The following MDH1 variants were observed in gnomAD, a reference collection of about 807,000 sequenced individuals.
MDH1 encodes malate dehydrogenase, cytoplasmic.
In MDH1, 15 loss-of-function variants were observed where a neutral mutation model predicts 38.7. The observed-to-expected ratio is 0.39, with a 90% CI of 0.26 to 0.60. The LOEUF (loss-of-function observed/expected upper bound fraction) is 0.60, where lower values mean the gene tolerates loss of function less well. Among genes scored for constraint, MDH1 ranks in the 20% least tolerant of loss-of-function variants. The probability of loss-of-function intolerance (pLI) is 0.56; values close to 1 mark genes in which losing one functional copy is unlikely to be tolerated. For synonymous variants in MDH1, 144 were observed against 143.6 expected (o/e 1.00, Z -0.02); for missense variants, 368 against 405.2 (o/e 0.91, Z 0.79).
chr2:63,598,896 CAAAAAAAAA>C (rs1333463606), intron 4 of MDH1, among the ~76,000 whole-genome samples: 6 of 72,230 alleles, frequency 8.3e-5, no homozygotes, highest in African/African-American at 4.8e-5. Context: ...AAAGAGGTAC[CAAAAAAAAA>C]AAAAAAAAAG....
At position 63,597,440 on chromosome 2, in the gene MDH1, C is replaced by G. The variant is rs1220483910; in HGVS notation, c.241C>G (p.Leu81Val). The change falls in exon 4 of 9, where the codon CTG (leucine) becomes GTG (valine). Residue 81 changes from leucine (L) to valine (V), a missense_variant. Transcript: ENST00000233114. ...TAAAGAAGACGTTGCCTTCAAAGAC[C>G]TGGATGTGGCCATTCTTGTGGGCTC... ...TDKEDVAFKD[L>V]DVAILVGSMP... 12 of 1,476,970 alleles carry G rather than the reference C, an allele frequency of 8.1e-6. No homozygotes were observed. The highest frequency in any genetic ancestry group is 1.0e-5 in the Non-Finnish European group (11 of 1,103,756). The allele number at this position is 1,476,970 out of a possible 1,614,324, so 91.5% of individuals were successfully genotyped here.
At chr2:63,596,394 A>G (rs1233143157) in intron 3 of MDH1, among the ~76,000 whole-genome samples, 2 of 152,214 alleles carry the variant, frequency 1.3e-5, no homozygotes, top group African/African-American at 2.4e-5. Flanking sequence ...GACTGCCCAC[A>G]CTATTCTGTT....
At chr2:63,605,171 A>G (rs1709502710) in intron 6 of MDH1, 109 bp from the exon 7 acceptor site, 1 of 726,722 alleles carries the variant, frequency 1.4e-6, no homozygotes. Context: ...TTGGAGGGGA[A>G]ACATTAAGCT....
At chr2:63,594,398 G>A (rs1182395207) in intron 1 of MDH1, 90 bp from the exon 2 acceptor site, 6 of 976,398 alleles carry the variant, frequency 6.1e-6, no homozygotes, top group East Asian at 2.4e-5. Flanking sequence ...CACTTTTAAA[G>A]TATGTGGATT....
At chr2:63,600,706 T>G (rs1356507215) in intron 5 of MDH1, among the ~76,000 whole-genome samples, 1 of 152,156 alleles carries the variant, frequency 6.6e-6, no homozygotes, top group Non-Finnish European at 1.5e-5. Flanking sequence ...ACCCTTAAAT[T>G]TTTAGCTTAA....
chr2:63,595,271 G>C, intron 2 of MDH1, 152 bp from the exon 3 acceptor site: 1 of 673,952 alleles, frequency 1.5e-6, no homozygotes, highest in Non-Finnish European at 2.7e-6. Context: ...AAGTGGCATA[G>C]TGCTAGATAC....
Sources: allele counts gnomAD v4.1 joint callset (sites outside exome capture counted in the v4.1 genomes callset), GRCh38; gene constraint gnomAD v4.1.1; transcripts MANE v1.5; gene names NCBI Gene and HGNC (gene_info 2026-07-23, HGNC 2026-07-21).